The following PDE1C variants were observed in gnomAD, a reference collection of about 807,000 sequenced individuals.
PDE1C encodes the protein dual specificity calcium/calmodulin-dependent 3',5'-cyclic nucleotide phosphodiesterase 1C.
A neutral mutation model predicts 93.1 loss-of-function variants in PDE1C; 62 were observed. That is an observed-to-expected ratio of 0.67 (90% CI 0.54 to 0.82). The LOEUF is 0.82. Ranked by LOEUF, PDE1C falls within the 40% of genes least tolerant of loss-of-function variation. The pLI is 0.00. For missense variants in PDE1C, 742 were observed against 884.6 expected (o/e 0.84, Z 2.04); for synonymous variants, 325 against 310.1 (o/e 1.05, Z -0.50).
chr7:31,789,881 T>C (rs1432144191), intron 16 of PDE1C: 4 of 1,052,826 alleles, frequency 3.8e-6, no homozygotes, highest in Non-Finnish European at 3.4e-6. Context: ...TCCCAGCATA[T>C]CCAGGATGTC....
In PDE1C at chr7:32,383,903, G is replaced by A. The variant is rs181521579; in HGVS notation, c.310+43919C>T. ...AACTTCTCCAAACCTCAGTTTCTGC[G>A]TCTTTGAAATTATGAAATGAGGAAA... is the stretch of plus-strand genomic sequence containing the variant. On this transcript the variant is annotated intron_variant, in intron 1 of 1. Transcript: ENST00000672256. Among the ~76,000 whole-genome samples, 13 of 152,274 alleles carry A rather than the reference G, an allele frequency of 8.5e-5. No homozygotes were observed. In the East Asian group the frequency reaches 1.9e-3, roughly 23 times the overall value.
intron 1 of PDE1C, among the ~76,000 whole-genome samples, chr7:32,224,025 C>G (rs953319636): frequency 6.6e-6 from 1 of 152,204 alleles, no homozygotes; most frequent in Non-Finnish European, 1.5e-5. Context: ...GAACTAGTCC[C>G]TCTCTGCAGG....
intron 1 of PDE1C, among the ~76,000 whole-genome samples, chr7:32,322,615 T>C (rs998367936): frequency 1.5e-5 from 1 of 66,796 alleles, no homozygotes; most frequent in African/African-American, 3.1e-5. Flanking sequence ...ATTTTTTTCT[T>C]TTTTCTTTTT....
chr7:31,652,808 G>A, the PDE1C span: 1 of 1,612,970 alleles, frequency 6.2e-7, no homozygotes, highest in Non-Finnish European at 8.5e-7. Context: ...TTGGAGAAAA[G>A]GATGCAGATG....
intron 2 of PDE1C, among the ~76,000 whole-genome samples, chr7:32,021,243 T>C (rs1316286650): frequency 6.6e-6 from 1 of 152,130 alleles, no homozygotes; most frequent in African/African-American, 2.4e-5. Flanking sequence ...GATGCCTTGA[T>C]GTTTCCCAAA....
At chr7:31,879,289 C>A in intron 3 of PDE1C, 111 bp from the exon 4 acceptor site, 4 of 1,079,792 alleles carry the variant, frequency 3.7e-6, no homozygotes, top group South Asian at 1.7e-5. Flanking sequence ...GCAAAGAAAC[C>A]AAATTAAATT....
chr7:32,025,011 C>G (rs1789227932), intron 2 of PDE1C, among the ~76,000 whole-genome samples: 1 of 152,042 alleles, frequency 6.6e-6, no homozygotes, highest in African/African-American at 2.4e-5. Context: ...AACACTCAAG[C>G]ACGCCAATGA....
At chr7:32,173,988 C>T (rs918668937) in intron 2 of PDE1C, among the ~76,000 whole-genome samples, 5 of 152,124 alleles carry the variant, frequency 3.3e-5, no homozygotes, top group African/African-American at 1.2e-4. Context: ...AATTAAAGTA[C>T]ATCAGTGGAA....
chr7:32,221,018 G>A (rs1806819026), intron 1 of PDE1C, among the ~76,000 whole-genome samples: 1 of 152,096 alleles, frequency 6.6e-6, no homozygotes, highest in Non-Finnish European at 1.5e-5. Context: ...CCTTCCAGAG[G>A]TCTTCATGCT....
chr7:31,921,316 G>T (rs1802595105), intron 2 of PDE1C, among the ~76,000 whole-genome samples: 1 of 152,202 alleles, frequency 6.6e-6, no homozygotes, highest in Non-Finnish European at 1.5e-5. Context: ...AGATGGGCAT[G>T]AACACAGCGG....
chr7:32,240,340 A>T (rs1206965522), intron 1 of PDE1C, among the ~76,000 whole-genome samples: 1 of 152,234 alleles, frequency 6.6e-6, no homozygotes, highest in African/African-American at 2.4e-5. Context: ...ACTATATGCT[A>T]GGCACTCTTC....
At chr7:31,713,957 G>C in the PDE1C span, among the ~76,000 whole-genome samples, 2 of 152,156 alleles carry the variant, frequency 1.3e-5, no homozygotes, top group Non-Finnish European at 2.9e-5. Flanking sequence ...TGCTGCAAAG[G>C]TCTCTGACAT....
At chr7:31,637,863 G>A in the PDE1C span, among the ~76,000 whole-genome samples, 1 of 152,134 alleles carries the variant, frequency 6.6e-6, no homozygotes. Flanking sequence ...GGTTTTTATG[G>A]TTTTAGGTCT....
the PDE1C span, among the ~76,000 whole-genome samples, chr7:31,712,768 A>AG: frequency 6.6e-6 from 1 of 152,188 alleles, no homozygotes; most frequent in African/African-American, 2.4e-5. Context: ...AGCAAGGAGG[A>AG]GCAAGTCACA....
intron 1 of PDE1C, among the ~76,000 whole-genome samples, chr7:32,319,366 G>A (rs1234395577): frequency 6.6e-6 from 1 of 152,156 alleles, no homozygotes; most frequent in Admixed American, 6.5e-5. Flanking sequence ...CCCAGTGATG[G>A]CATCTGTGCC....
the PDE1C span, among the ~76,000 whole-genome samples, chr7:31,723,787 C>T: frequency 0.029 from 4,366 of 152,222 alleles, 100 homozygotes; most frequent in African/African-American, 0.038. Flanking sequence ...AAAATTAAGA[C>T]ACTTTTCTTT....
chr7:31,725,173 G>C, the PDE1C span, among the ~76,000 whole-genome samples: 1 of 152,044 alleles, frequency 6.6e-6, no homozygotes, highest in Non-Finnish European at 1.5e-5. Context: ...GTGTTGCACA[G>C]CATCCATCTC....
At chr7:32,008,093 T>C (rs1304636110) in intron 2 of PDE1C, among the ~76,000 whole-genome samples, 2 of 152,338 alleles carry the variant, frequency 1.3e-5, no homozygotes, top group Admixed American at 6.5e-5. Flanking sequence ...AAAACTCCTA[T>C]ACAGCTGTCT....
chr7:31,901,609 T>G (rs1436350489), intron 2 of PDE1C, among the ~76,000 whole-genome samples: 1 of 151,220 alleles, frequency 6.6e-6, no homozygotes, highest in Non-Finnish European at 1.5e-5. Flanking sequence ...GAGAACTTAT[T>G]ATATAATTTA....
Sources: allele counts gnomAD v4.1 joint callset (sites outside exome capture counted in the v4.1 genomes callset), GRCh38; gene constraint gnomAD v4.1.1; transcripts MANE v1.5; gene names NCBI Gene and HGNC (gene_info 2026-07-23, HGNC 2026-07-21).